The following ARHGEF26 variants were observed in gnomAD, a reference collection of about 807,000 sequenced individuals.
ARHGEF26 encodes the protein Rho guanine nucleotide exchange factor 26.
ARHGEF26 carries 59 observed loss-of-function variants against 89.4 expected under a neutral mutation model. That is an observed-to-expected ratio of 0.66 (90% CI 0.54 to 0.82). The LOEUF is 0.82. Ranked by LOEUF, ARHGEF26 falls within the 40% of genes least tolerant of loss-of-function variation. ARHGEF26 has a pLI of 0.00. For synonymous variants in ARHGEF26, 500 were observed against 428.4 expected (o/e 1.17, Z -2.06); for missense variants, 1,234 against 1,085.6 (o/e 1.14, Z -1.92).
intron 11 of ARHGEF26, among the ~76,000 whole-genome samples, chr3:154,239,271 A>AGG (rs1717318895): frequency 1.1e-5 from 1 of 89,408 alleles, no homozygotes; most frequent in Non-Finnish European, 2.3e-5. Flanking sequence ...GGAGAGAGAG[A>AGG]GAGAGAGAGA....
chr3:154,156,100 G>C (rs1363538900), intron 6 of ARHGEF26, among the ~76,000 whole-genome samples: 1 of 151,874 alleles, frequency 6.6e-6, no homozygotes, highest in African/African-American at 2.4e-5. Context: ...CTTATCTGTA[G>C]TTTCAGCATC....
rs1439916057 is a variant in ARHGEF26, at chr3:154,122,318, G to A, written c.326G>A (p.Arg109Gln). The change falls in exon 2 of 15, where the codon CGA becomes CAA. Residue 109 changes from arginine (R) to glutamine (Q), a missense_variant. Arg to Gln is a conservative substitution (Grantham distance 43). Coordinates refer to ENST00000465093, the MANE Select transcript of ARHGEF26 (RefSeq NM_015595.4). ...PEYRAASPRLRRPKSPKLPKA... is the reference protein window; with the variant it reads ...PEYRAASPRLQRPKSPKLPKA... The stretch of plus-strand genomic sequence containing the variant: ...TACAGGGCTGCCTCTCCTCGACTTC[G>A]ACGGCCCAAGTCACCCAAGCTCCCC... The A allele has an allele frequency of 1.2e-6, 2 of 1,612,634 alleles. No homozygotes were observed. Among genetic ancestry groups the A allele is most frequent in the African/African-American group, 1.3e-5 (1 of 74,930 alleles).
chr3:154,253,309 G>A, intron 13 of ARHGEF26, 126 bp downstream of exon 13: 4 of 1,007,334 alleles, frequency 4.0e-6, no homozygotes, highest in Non-Finnish European at 5.9e-6. Context: ...GCTTCCTTCT[G>A]CTTTACACCA....
chr3:154,146,653 A>G (rs1033050673), intron 4 of ARHGEF26, among the ~76,000 whole-genome samples: 9 of 152,362 alleles, frequency 5.9e-5, no homozygotes, highest in Middle Eastern at 3.4e-3. Context: ...GTAAATTTGT[A>G]ATTATGAATT....
intron 9 of ARHGEF26, among the ~76,000 whole-genome samples, chr3:154,211,255 C>T (rs775818870): frequency 2.0e-5 from 3 of 152,098 alleles, no homozygotes; most frequent in Non-Finnish European, 2.9e-5. Flanking sequence ...CCTAAACTGC[C>T]TTTCAAGTTC....
intron 5 of ARHGEF26, among the ~76,000 whole-genome samples, chr3:154,150,379 T>C (rs1719951048): frequency 6.6e-6 from 1 of 152,138 alleles, no homozygotes; most frequent in Admixed American, 6.5e-5. Context: ...CAGAGACAAC[T>C]ATAATTATGA....
chr3:154,143,612 T>A (rs950226775), intron 4 of ARHGEF26, among the ~76,000 whole-genome samples: 1 of 152,212 alleles, frequency 6.6e-6, no homozygotes, highest in African/African-American at 2.4e-5. Flanking sequence ...AAGAAATACA[T>A]TCTCCTTATT....
At chr3:154,173,225 TC>T (rs1390900966) in intron 6 of ARHGEF26, among the ~76,000 whole-genome samples, 1 of 119,180 alleles carries the variant, frequency 8.4e-6, no homozygotes, top group African/African-American at 3.2e-5. Context: ...CCTGCAGCCA[TC>T]CACGTAAAAA....
intron 10 of ARHGEF26, among the ~76,000 whole-genome samples, chr3:154,220,647 G>A (rs1490928539): frequency 6.6e-6 from 1 of 152,162 alleles, no homozygotes; most frequent in Non-Finnish European, 1.5e-5. Context: ...ACAGCCCTGT[G>A]TACCAAGAGG....
chr3:154,203,067 G>C (rs949841899), intron 9 of ARHGEF26, among the ~76,000 whole-genome samples: 1 of 152,112 alleles, frequency 6.6e-6, no homozygotes, highest in African/African-American at 2.4e-5. Context: ...GGGCATCCCT[G>C]TCTTGTGCCA....
At chr3:154,174,559 A>T (rs749569342) in intron 6 of ARHGEF26, among the ~76,000 whole-genome samples, 1 of 152,190 alleles carries the variant, frequency 6.6e-6, no homozygotes, top group African/African-American at 2.4e-5. Flanking sequence ...TATATTAATA[A>T]ATACTAATAT....
At chr3:154,196,719 A>G (rs1356198024) in intron 9 of ARHGEF26, among the ~76,000 whole-genome samples, 2 of 152,146 alleles carry the variant, frequency 1.3e-5, no homozygotes, top group Non-Finnish European at 2.9e-5. Context: ...CTAAGGTACT[A>G]TTGCCAGTGG....
chr3:154,202,183 A>G (rs1714686704), intron 9 of ARHGEF26, among the ~76,000 whole-genome samples: 1 of 152,126 alleles, frequency 6.6e-6, no homozygotes, highest in African/African-American at 2.4e-5. Context: ...ATTTTTGTAT[A>G]AGGTGTAAGG....
At chr3:154,222,711 T>TC (rs1716213220) in intron 10 of ARHGEF26, among the ~76,000 whole-genome samples, 1 of 152,158 alleles carries the variant, frequency 6.6e-6, no homozygotes, top group Non-Finnish European at 1.5e-5. Flanking sequence ...GACTTTTCAT[T>TC]CCAGAAGCTT....
In ARHGEF26 at chr3:154,255,505, T is replaced by C; in HGVS notation, c.*32T>C. On this transcript the variant is annotated 3_prime_UTR_variant, in exon 15 of 15. Transcript: ENST00000465093. ...AGATGGTCTTTTGTTACTGCAAGAT[T>C]TGCACGACACTTACCGGGCTGGTTG... is the stretch of plus-strand genomic sequence containing the variant. 5.6e-6 allele frequency: 9 copies of C among 1,601,800 alleles called. No homozygotes were observed. Among genetic ancestry groups the C allele is most frequent in the Non-Finnish European group, 7.7e-6 (9 of 1,174,462 alleles).
chr3:154,135,717 A>C (rs1328587000), intron 4 of ARHGEF26, among the ~76,000 whole-genome samples: 1 of 152,212 alleles, frequency 6.6e-6, no homozygotes, highest in African/African-American at 2.4e-5. Context: ...AACACTGTGT[A>C]CTTGTTACAG....
At chr3:154,189,402 A>C (rs1050777044) in intron 7 of ARHGEF26, among the ~76,000 whole-genome samples, 2 of 148,952 alleles carry the variant, frequency 1.3e-5, no homozygotes, top group African/African-American at 2.5e-5. Context: ...CAGTGGCGCA[A>C]TCTTGGGTCA....
chr3:154,189,928 CT>C (rs1713843326), intron 7 of ARHGEF26, among the ~76,000 whole-genome samples: 2 of 151,832 alleles, frequency 1.3e-5, no homozygotes, highest in East Asian at 3.9e-4. Context: ...TGAATTGTTT[CT>C]GTATAATTTC....
chr3:154,166,889 C>T (rs937411196), intron 6 of ARHGEF26, among the ~76,000 whole-genome samples: 1 of 152,068 alleles, frequency 6.6e-6, no homozygotes, highest in Non-Finnish European at 1.5e-5. Context: ...TGGTTTGGGG[C>T]GTAGCTTCCA....
Sources: gnomAD v4.1 joint callset for allele counts (sites outside exome capture counted in the v4.1 genomes callset) on GRCh38, gnomAD v4.1.1 for gene constraint, MANE v1.5 for transcripts, NCBI Gene and HGNC (gene_info 2026-07-23, HGNC 2026-07-21) for gene names.